Variants in LATS1 observed in about 807,000 individuals in gnomAD.
LATS1 encodes serine/threonine-protein kinase LATS1.
LATS1 carries 25 observed loss-of-function variants against 106.6 expected under a neutral mutation model. The observed-to-expected ratio is 0.23, with a 90% CI of 0.17 to 0.33. The LOEUF (loss-of-function observed/expected upper bound fraction) is 0.33. LATS1 is among the 10% of genes least tolerant of loss of function. The pLI is 1.00. For synonymous variants in LATS1, 465 were observed against 455.6 expected (o/e 1.02, Z -0.26); for missense variants, 1,040 against 1,382.6 (o/e 0.75, Z 3.93).
intron 1 of LATS1, 23 bp downstream of exon 1, chr6:149,717,826 C>G: frequency 3.4e-6 from 1 of 294,326 alleles, no homozygotes. Context: ...GGAGCGCACC[C>G]GCTACGCCAG....
chr6:149,690,901 G>C (rs962764473), intron 3 of LATS1, among the ~76,000 whole-genome samples: 1 of 152,116 alleles, frequency 6.6e-6, no homozygotes, highest in Non-Finnish European at 1.5e-5. Flanking sequence ...AAGTCATGAT[G>C]AACTGGAAAT....
intron 1 of LATS1, among the ~76,000 whole-genome samples, chr6:149,709,433 G>A (rs901704142): frequency 6.6e-6 from 1 of 152,186 alleles, no homozygotes; most frequent in Non-Finnish European, 1.5e-5. Flanking sequence ...CTCTTGTGCG[G>A]AAAATCTACA....
chr6:149,693,726 G>C, intron 3 of LATS1, among the ~76,000 whole-genome samples: 1 of 152,126 alleles, frequency 6.6e-6, no homozygotes, highest in Non-Finnish European at 1.5e-5. Flanking sequence ...CCATTAAACA[G>C]ACAAAAATAA....
chr6:149,662,585 G>A lies in LATS1; in HGVS notation c.2884-347C>T, dbSNP rs187801004. Reference sequence around the variant, plus strand: ...TGTCCTACTGAAATATATCCATTAAGGCTAGGGATTATGTTTTAGTGGTCT... The same window carrying A: ...TGTCCTACTGAAATATATCCATTAAAGCTAGGGATTATGTTTTAGTGGTCT... On this transcript the variant is annotated intron_variant, in intron 7 of 7. Transcript: ENST00000543571. Among the ~76,000 whole-genome samples the A allele has an allele frequency of 2.2e-4, 34 of 152,160 alleles. No individual in the cohort carries two copies. In the East Asian group the frequency reaches 6.0e-3, roughly 27 times the overall value.
At chr6:149,715,497 G>A (rs1260718620) in intron 1 of LATS1, among the ~76,000 whole-genome samples, 1 of 152,116 alleles carries the variant, frequency 6.6e-6, no homozygotes, top group African/African-American at 2.4e-5. Flanking sequence ...CTGAGTTCAG[G>A]TGGTAAGTTC....
intron 7 of LATS1, among the ~76,000 whole-genome samples, chr6:149,662,980 A>G (rs1389197510): frequency 5.9e-5 from 9 of 151,420 alleles, no homozygotes; most frequent in Non-Finnish European, 1.0e-4. Context: ...AAAAAAAAAA[A>G]AAAAAAAGAA....
At chr6:149,700,558 A>G (rs1783393127) in intron 2 of LATS1, among the ~76,000 whole-genome samples, 1 of 152,066 alleles carries the variant, frequency 6.6e-6, no homozygotes, top group East Asian at 1.9e-4. Context: ...ATGCATACTT[A>G]GGTTCTCATT....
chr6:149,687,159 C>T (rs1392832677), intron 3 of LATS1, among the ~76,000 whole-genome samples: 3 of 149,668 alleles, frequency 2.0e-5, no homozygotes, highest in South Asian at 2.1e-4. Context: ...GGCATGATCT[C>T]GGCTCAGCGA....
chr6:149,682,476 A>T (rs1267024397), intron 4 of LATS1, among the ~76,000 whole-genome samples: 1 of 145,202 alleles, frequency 6.9e-6, no homozygotes, highest in East Asian at 2.1e-4. Context: ...CAGTGGCGCG[A>T]TCTCGGCTCA....
chr6:149,698,018 G>A (rs1451690494), intron 2 of LATS1, among the ~76,000 whole-genome samples: 1 of 152,184 alleles, frequency 6.6e-6, no homozygotes, highest in Non-Finnish European at 1.5e-5. Flanking sequence ...GGCATTACCG[G>A]TGTGAGCCAC....
At chr6:149,669,161 C>T (rs1039445923) in intron 7 of LATS1, among the ~76,000 whole-genome samples, 2 of 148,302 alleles carry the variant, frequency 1.3e-5, no homozygotes, top group African/African-American at 5.1e-5. Context: ...ATTGAGACGG[C>T]GTCTCTCTGT....
In LATS1 at chr6:149,683,707, C is replaced by T. The variant is rs1428749068; in HGVS notation, c.1382G>A (p.Arg461Lys). The change falls in exon 4 of 8, where the codon AGG becomes AAG. Residue 461 changes from arginine to lysine, a missense_variant. Transcript: ENST00000543571. ...TAATGGGTTATTAAAAGAATTTGACCTCACTGGTATGTTAGGTTGCCATGT... is the reference window on the plus strand; with the variant it reads ...TAATGGGTTATTAAAAGAATTTGACTTCACTGGTATGTTAGGTTGCCATGT... The part of the protein sequence containing the change: ...IPTWQPNIPV[R>K]SNSFNNPLGN... 6.2e-7 allele frequency: 1 copy of T among 1,614,148 alleles called. No homozygotes were observed. Among genetic ancestry groups the T allele is most frequent in the Non-Finnish European group, 8.5e-7 (1 of 1,180,030 alleles).
chr6:149,706,958 A>G (rs1385410292), intron 1 of LATS1, among the ~76,000 whole-genome samples: 1 of 152,014 alleles, frequency 6.6e-6, no homozygotes, highest in African/African-American at 2.4e-5. Flanking sequence ...GAATATTCTA[A>G]CATATACTAC....
chr6:149,674,539 GT>G (rs1367551127), intron 7 of LATS1, among the ~76,000 whole-genome samples: 1 of 150,614 alleles, frequency 6.6e-6, no homozygotes, highest in African/African-American at 2.4e-5. Flanking sequence ...GCCTGGCTAA[GT>G]TTTTTGTATT....
rs1784512093 is a variant in LATS1 at position 149,717,913 on chromosome 6, A to G, written c.-205T>C. 2.7e-6 allele frequency: 1 copy of G among 366,438 alleles called. No homozygotes were observed. The highest frequency in any genetic ancestry group is 4.1e-5 in the Admixed American group (1 of 24,558). The allele number at this position is 366,438 out of a possible 1,614,324, so 22.7% of individuals were successfully genotyped here. A position where few individuals can be genotyped will look rare whatever the true frequency, so the allele number is the denominator to read the frequency against. ...CCTGAGGGCGGACGCTGAGGCGGCCAGAGTCCGTCCCAGCAACCCCAAGTA... is the reference window on the plus strand; with the variant it reads ...CCTGAGGGCGGACGCTGAGGCGGCCGGAGTCCGTCCCAGCAACCCCAAGTA... On this transcript the variant is annotated 5_prime_UTR_variant, in exon 1 of 8. Coordinates refer to ENST00000543571, the MANE Select transcript of LATS1 (RefSeq NM_004690.4).
Position 149,676,732 on chromosome 6 carries a change from G to C in LATS1, c.2599C>G (p.His867Asp). The C allele has an allele frequency of 6.2e-7, 1 of 1,610,204 alleles. No homozygotes were observed. ...HDSKYYQSGD[H>D]PRQDSMDFSN... The stretch of plus-strand genomic sequence containing the variant: ...AAATCCATGCTATCTTGCCGTGGAT[G>C]GTCACCTGCACAACAAAAGAATAAG... Residue 867 changes from histidine to aspartate, a missense_variant, in exon 6 of 8, where the codon CAT (histidine) becomes GAT (aspartate). His to Asp is a moderately conservative substitution (Grantham distance 81). Around this residue, in one of 7 missense-constraint regions of LATS1, gnomAD observed 63 missense variants for 64.3 expected, o/e 0.98. Transcript: ENST00000543571.
At chr6:149,675,570 T>C (rs1322594275) in intron 7 of LATS1, 1 of 152,224 alleles carries the variant, frequency 6.6e-6, no homozygotes, top group Non-Finnish European at 1.5e-5. Flanking sequence ...TTTTGTTTTG[T>C]TTTGTTTGAG....
chr6:149,697,445 A>G (rs927466627), intron 2 of LATS1, among the ~76,000 whole-genome samples: 6 of 152,230 alleles, frequency 3.9e-5, no homozygotes, highest in African/African-American at 1.2e-4. Context: ...TAAGATATTC[A>G]TAAGAGTCCT....
chr6:149,661,948 A>G lies in LATS1; in HGVS notation c.3174T>C (p.Asn1058=). ...TTTTATACCATCCATTGAGAGTGTC[A>G]TTTACATTTTCTTCCTCGTTATCAT... ...WSDDNEEENV[N]DTLNGWYKNG... Residue 1058 remains asparagine, a synonymous_variant, in exon 8 of 8, where the codon AAT becomes AAC. Coordinates refer to ENST00000543571, the MANE Select transcript of LATS1 (RefSeq NM_004690.4). The G allele has an allele frequency of 6.2e-7, 1 of 1,614,066 alleles. No individual in the cohort carries two copies. The highest frequency in any genetic ancestry group is 8.5e-7 in the Non-Finnish European group (1 of 1,179,986).
Sources: gnomAD v4.1 joint callset for allele counts (sites outside exome capture counted in the v4.1 genomes callset) on GRCh38, gnomAD v4.1.1 for gene constraint, gnomAD v4.1.1 regional missense constraint, MANE v1.5 for transcripts, NCBI Gene and HGNC (gene_info 2026-07-23, HGNC 2026-07-21) for gene names.